Variants in UGGT2 observed in about 807,000 individuals in gnomAD.
UGGT2 encodes the protein UDP-glucose glycoprotein glucosyltransferase 2.
In UGGT2, 180 loss-of-function variants were observed where a neutral mutation model predicts 192.1. The ratio of observed to expected loss-of-function variants is 0.94; its 90% confidence interval spans 0.83 to 1.06. The LOEUF (loss-of-function observed/expected upper bound fraction) is 1.06. Ranked by LOEUF, UGGT2 falls within the 50% of genes least tolerant of loss-of-function variation. The pLI is 0.00. For missense variants in UGGT2, 1,849 were observed against 1,795.7 expected (o/e 1.03, Z -0.54); for synonymous variants, 580 against 591.0 (o/e 0.98, Z 0.27).
At chr13:95,856,708 T>C (rs749462549) in intron 33 of UGGT2, 10 of 395,522 alleles carry the variant, frequency 2.5e-5, no homozygotes, top group Non-Finnish European at 2.4e-5. Flanking sequence ...AAATAGTTCA[T>C]GTATATGTCA....
intron 38 of UGGT2, among the ~76,000 whole-genome samples, chr13:95,827,533 T>C: frequency 6.6e-6 from 1 of 152,176 alleles, no homozygotes; most frequent in East Asian, 1.9e-4. Flanking sequence ...ACCTTCATCT[T>C]GGACTTTCAG....
intron 33 of UGGT2, among the ~76,000 whole-genome samples, chr13:95,857,510 T>A (rs1889731279): frequency 6.6e-6 from 1 of 152,144 alleles, no homozygotes; most frequent in African/African-American, 2.4e-5. Context: ...TGTGTAAGTA[T>A]GTATAATTTT....
chr13:96,032,063 G>A, intron 1 of UGGT2, 92 bp from the exon 2 acceptor site: 12 of 812,896 alleles, frequency 1.5e-5, no homozygotes, highest in South Asian at 2.2e-5. Flanking sequence ...TTATATCTAT[G>A]GCAAAAACAA....
chr13:95,883,378 A>C (rs1006324324), intron 27 of UGGT2, among the ~76,000 whole-genome samples: 1 of 152,010 alleles, frequency 6.6e-6, no homozygotes, highest in African/African-American at 2.4e-5. Flanking sequence ...AATAAGGAGA[A>C]GGAAGTAAGG....
chr13:95,936,321 T>C (rs147373678), intron 17 of UGGT2, among the ~76,000 whole-genome samples: 1 of 152,370 alleles, frequency 6.6e-6, no homozygotes, highest in South Asian at 2.1e-4. Context: ...TGGTTTGACC[T>C]ACAAGCTAGT....
chr13:95,996,584 T>C (rs188514415), intron 6 of UGGT2, among the ~76,000 whole-genome samples: 4 of 152,210 alleles, frequency 2.6e-5, no homozygotes, highest in South Asian at 4.1e-4. Flanking sequence ...TTAATACATA[T>C]ATATGCATGT....
Position 96,023,122 on chromosome 13 carries a change from A to G in UGGT2, c.403T>C (p.Cys135Arg), listed in dbSNP as rs2139118950. Reference protein sequence around the residue: ...IAADEPPPDGCNAFVVIHKKH... With the variant: ...IAADEPPPDGRNAFVVIHKKH... ...TTATGAATAACCACAAATGCATTAC[A>G]ACCATCTGGTGGTGGCTCATCAGCT... Residue 135 changes from cysteine (C) to arginine (R), a missense_variant, in exon 4 of 39, where the codon TGT becomes CGT. Cys to Arg is a radical substitution (Grantham distance 180). Coordinates refer to ENST00000376747, the MANE Select transcript of UGGT2 (RefSeq NM_020121.4). 1 of 1,596,356 alleles carries G rather than the reference A, an allele frequency of 6.3e-7. No individual in the cohort carries two copies. The highest frequency in any genetic ancestry group is 1.3e-5 in the African/African-American group (1 of 74,646).
intron 13 of UGGT2, 46 bp downstream of exon 13, chr13:95,949,289 G>A: frequency 7.2e-7 from 1 of 1,385,928 alleles, no homozygotes; most frequent in Non-Finnish European, 9.5e-7. Flanking sequence ...AAAGAATGCT[G>A]ATATCTTTAT....
chr13:95,906,739 G>C (rs1000862589), intron 20 of UGGT2, among the ~76,000 whole-genome samples: 1 of 152,140 alleles, frequency 6.6e-6, no homozygotes, highest in Admixed American at 6.5e-5. Context: ...GTATACAAAA[G>C]AATCTCAGTA....
At chr13:96,030,815 G>A (rs112293217) in intron 2 of UGGT2, among the ~76,000 whole-genome samples, 1 of 152,082 alleles carries the variant, frequency 6.6e-6, no homozygotes, top group African/African-American at 2.4e-5. Flanking sequence ...GAAGATATAC[G>A]TATATATAGG....
At chr13:95,922,617 T>G (rs1330389352) in intron 20 of UGGT2, among the ~76,000 whole-genome samples, 1 of 151,482 alleles carries the variant, frequency 6.6e-6, no homozygotes. Flanking sequence ...AACTCAGGAG[T>G]GTGACACCAG....
At chr13:95,809,435 GCTC>G (rs1236092731) in intron 38 of UGGT2, 2 of 381,050 alleles carry the variant, frequency 5.2e-6, no homozygotes, top group Non-Finnish European at 1.0e-5. Context: ...TTTTCCCTTT[GCTC>G]CTCCTTTCCC....
chr13:95,857,581 A>C (rs1164765926), intron 33 of UGGT2, among the ~76,000 whole-genome samples: 1 of 152,170 alleles, frequency 6.6e-6, no homozygotes, highest in African/African-American at 2.4e-5. Flanking sequence ...AACAAATCTA[A>C]AGTAGCTAGC....
At chr13:96,037,540 C>T (rs2053041235) in intron 1 of UGGT2, among the ~76,000 whole-genome samples, 2 of 152,144 alleles carry the variant, frequency 1.3e-5, no homozygotes, top group South Asian at 2.1e-4. Flanking sequence ...AGGGGACATA[C>T]CTTATTCATC....
chr13:95,866,907 T>A (rs562402700), intron 30 of UGGT2, among the ~76,000 whole-genome samples: 15 of 152,228 alleles, frequency 9.9e-5, no homozygotes, highest in South Asian at 2.1e-4. Context: ...AAAATTTTTT[T>A]AAATTTTTAT....
At chr13:95,856,760 C>CA in intron 33 of UGGT2, 2 of 319,582 alleles carry the variant, frequency 6.3e-6, no homozygotes, top group Non-Finnish European at 1.2e-5. Context: ...AGAGAGGATA[C>CA]AAAAAACACA....
intron 4 of UGGT2, among the ~76,000 whole-genome samples, chr13:96,018,601 A>G (rs1046237480): frequency 2.6e-5 from 4 of 152,202 alleles, no homozygotes; most frequent in African/African-American, 9.6e-5. Flanking sequence ...CTAAATGAGT[A>G]TAACTTTCTC....
chr13:95,885,418 C>A (rs1012123808), intron 26 of UGGT2, among the ~76,000 whole-genome samples: 9 of 152,192 alleles, frequency 5.9e-5, no homozygotes, highest in African/African-American at 2.2e-4. Flanking sequence ...TAGTTGTCTG[C>A]AGACTGCTTG....
chr13:95,853,006 T>C (rs1371942388), intron 36 of UGGT2, among the ~76,000 whole-genome samples: 2 of 152,166 alleles, frequency 1.3e-5, no homozygotes, highest in African/African-American at 4.8e-5. Context: ...TAGAGGTAAT[T>C]GACTCATGGG....
Sources: allele counts gnomAD v4.1 joint callset (sites outside exome capture counted in the v4.1 genomes callset), GRCh38; gene constraint gnomAD v4.1.1; transcripts MANE v1.5; gene names NCBI Gene and HGNC (gene_info 2026-07-23, HGNC 2026-07-21).